Variants in KCNMA1 observed in about 807,000 individuals in gnomAD.
The protein encoded by KCNMA1 is Calcium-activated potassium channel subunit alpha-1.
In KCNMA1, 29 loss-of-function variants were observed where a neutral mutation model predicts 140.0. The ratio of observed to expected loss-of-function variants is 0.21; its 90% CI spans 0.15 to 0.28. The LOEUF (loss-of-function observed/expected upper bound fraction) is 0.28. KCNMA1 is among the 10% of genes least tolerant of loss of function. The pLI is 1.00. For missense variants in KCNMA1, 880 were observed against 1,602.2 expected (o/e 0.55, Z 7.70); for synonymous variants, 612 against 611.9 (o/e 1.00, Z 0.00).
intron 19 of KCNMA1, among the ~76,000 whole-genome samples, chr10:76,982,768 C>A (rs10824479): frequency 2.0e-5 from 3 of 152,096 alleles, no homozygotes; most frequent in South Asian, 2.1e-4. Context: ...TTGCATCTTG[C>A]AAAAGTCTAT....
intron 2 of KCNMA1, among the ~76,000 whole-genome samples, chr10:77,281,165 T>C (rs982968460): frequency 6.6e-6 from 1 of 152,170 alleles, no homozygotes; most frequent in Non-Finnish European, 1.5e-5. Context: ...ACTTCAATCT[T>C]GTTAACTCAA....
chr10:77,432,949 A>G (rs1455867481), intron 1 of KCNMA1, among the ~76,000 whole-genome samples: 1 of 152,090 alleles, frequency 6.6e-6, no homozygotes, highest in African/African-American at 2.4e-5. Context: ...GATGGAGTAG[A>G]GATTAGGGAG....
In KCNMA1 at chr10:77,462,336, T is replaced by C. The variant is rs565399396; in HGVS notation, c.379-58313A>G. 2.6e-5 allele frequency among the ~76,000 whole-genome samples: 4 copies of C among 152,042 alleles called. No individual in the cohort carries two copies. The East Asian group carries it at 5.8e-4, about 22-fold the overall frequency. On this transcript the variant is annotated intron_variant, in intron 1 of 27. Transcript: ENST00000286628. The stretch of plus-strand genomic sequence containing the variant: ...AAACATATATACACTTAAATACATA[T>C]ATGCATGGAGAAACAAATGCATACA...
intron 25 of KCNMA1, among the ~76,000 whole-genome samples, chr10:76,899,242 T>C (rs1004966533): frequency 4.6e-5 from 7 of 152,156 alleles, no homozygotes; most frequent in Non-Finnish European, 7.4e-5. Context: ...ATATGTGTAA[T>C]TGCAGATTTG....
intron 5 of KCNMA1, among the ~76,000 whole-genome samples, chr10:77,122,710 G>GA (rs1192128029): frequency 3.3e-5 from 5 of 152,068 alleles, no homozygotes; most frequent in South Asian, 4.1e-4. Flanking sequence ...TTTGAGATAT[G>GA]AAAAAATGAC....
intron 1 of KCNMA1, among the ~76,000 whole-genome samples, chr10:77,508,780 C>A (rs2047221184): frequency 6.6e-6 from 1 of 151,946 alleles, no homozygotes; most frequent in Non-Finnish European, 1.5e-5. Flanking sequence ...ATGGTGAAAC[C>A]CTGTAACCAA....
intron 21 of KCNMA1, among the ~76,000 whole-genome samples, chr10:76,950,190 T>C (rs2065728794): frequency 6.6e-6 from 1 of 152,210 alleles, no homozygotes; most frequent in South Asian, 2.1e-4. Context: ...CCTAAATTTT[T>C]CATTATATGA....
chr10:77,176,531 C>T lies in KCNMA1; in HGVS notation c.808+6890G>A, dbSNP rs118070234. Among the ~76,000 whole-genome samples the T allele has an allele frequency of 7.4e-3, 1,122 of 152,220 alleles. 8 individuals carry two copies. The highest frequency in any genetic ancestry group is 0.02 in the Middle Eastern group (6 of 294). On this transcript the variant is annotated intron_variant, in intron 5 of 27. Transcript: ENST00000286628. ...TGAGCTTCAATAAGGCTCTCCCCAA[C>T]GGTCTCCTCCCTAACAGGCTGTAAA...
Position 77,637,749 on chromosome 10 carries a change from C to CGCA in KCNMA1, c.-108_-107insTGC. 1 of 1,309,070 alleles carries CGCA rather than the reference C, an allele frequency of 7.6e-7. No individual in the cohort carries two copies. The allele number at this position is 1,309,070 out of a possible 1,614,324, so 81.1% of individuals were successfully genotyped here. A position where few individuals can be genotyped will look rare whatever the true frequency, so the allele number is the denominator to read the frequency against. On this transcript the variant is annotated 5_prime_UTR_variant, in exon 1 of 28. Transcript: ENST00000286628. Reference sequence around the variant, plus strand: ...ATATTGCTGCTACTGCTGCCGCCGCCGCCGCCGCCGCGGAGCGCGGGAGGG... The same window carrying CGCA: ...ATATTGCTGCTACTGCTGCCGCCGCCGCAGCCGCCGCCGCGGAGCGCGGGAGGG...
At chr10:77,414,150 TA>T (rs879820272) in intron 1 of KCNMA1, among the ~76,000 whole-genome samples, 9 of 152,310 alleles carry the variant, frequency 5.9e-5, no homozygotes, top group Admixed American at 5.2e-4. Context: ...GGGAGCCATG[TA>T]AACACTCCCC....
intron 2 of KCNMA1, among the ~76,000 whole-genome samples, chr10:77,273,378 C>G (rs1256543446): frequency 6.6e-6 from 1 of 152,108 alleles, no homozygotes; most frequent in Admixed American, 6.6e-5. Flanking sequence ...CCAGTAAAGG[C>G]TAAATTATTT....
At chr10:77,330,344 T>C (rs1479094765) in intron 2 of KCNMA1, among the ~76,000 whole-genome samples, 1 of 152,176 alleles carries the variant, frequency 6.6e-6, no homozygotes, top group Non-Finnish European at 1.5e-5. Flanking sequence ...TCCTACTCAC[T>C]TCCTCATCAT....
chr10:77,087,506 C>T (rs2096719513), intron 10 of KCNMA1, among the ~76,000 whole-genome samples: 1 of 152,178 alleles, frequency 6.6e-6, no homozygotes, highest in African/African-American at 2.4e-5. Context: ...TGAACCTTAT[C>T]TCTGCTTCTG....
In KCNMA1 at chr10:77,108,737, C is replaced by G. The variant is rs563571617; in HGVS notation, c.1132-165G>C. Among the ~76,000 whole-genome samples, 5 of 152,160 alleles carry G rather than the reference C, an allele frequency of 3.3e-5. No individual in the cohort carries two copies. Among genetic ancestry groups the G allele is most frequent in the African/African-American group, 1.2e-4 (5 of 41,498 alleles). On this transcript the variant is annotated intron_variant, in intron 8 of 27. Transcript: ENST00000286628. The surrounding 1 kb of genome is among the most constrained non-coding windows in gnomAD (Gnocchi z 4.6). The stretch of plus-strand genomic sequence containing the variant: ...TAAAAAACTAAAAGCACGAAGAGAG[C>G]AAGCTCCCAGAAATACACAAGACAA...
At chr10:77,012,269 C>T in intron 17 of KCNMA1, 1 of 1,460,442 alleles carries the variant, frequency 6.8e-7, no homozygotes, top group Admixed American at 2.8e-5. Context: ...TCATAAACTT[C>T]CATTTACAAA....
At chr10:77,448,731 G>T (rs1387148886) in intron 1 of KCNMA1, among the ~76,000 whole-genome samples, 1 of 151,990 alleles carries the variant, frequency 6.6e-6, no homozygotes, top group Non-Finnish European at 1.5e-5. Flanking sequence ...TCATCAAAAA[G>T]AATTTATGGG....
intron 2 of KCNMA1, among the ~76,000 whole-genome samples, chr10:77,384,842 A>G (rs768773285): frequency 2.6e-5 from 4 of 152,190 alleles, no homozygotes; most frequent in Non-Finnish European, 4.4e-5. Flanking sequence ...CCATTCATTC[A>G]TTCTTTCCTA....
chr10:77,373,318 A>G (rs1287111948), intron 2 of KCNMA1, among the ~76,000 whole-genome samples: 1 of 152,204 alleles, frequency 6.6e-6, no homozygotes, highest in African/African-American at 2.4e-5. Context: ...TGGGAGTGTG[A>G]GCAAGTCCCT....
At chr10:77,540,075 A>C (rs1222381524) in intron 1 of KCNMA1, among the ~76,000 whole-genome samples, 1 of 152,120 alleles carries the variant, frequency 6.6e-6, no homozygotes, top group Admixed American at 6.5e-5. Flanking sequence ...CATCCCCCTA[A>C]TTCACCAATA....
Sources: allele counts gnomAD v4.1 joint callset (sites outside exome capture counted in the v4.1 genomes callset), GRCh38; gene constraint gnomAD v4.1.1; non-coding constraint Gnocchi (gnomAD v3.1); transcripts MANE v1.5; gene names NCBI Gene and HGNC (gene_info 2026-07-23, HGNC 2026-07-21).